PCSK7: variants seen among roughly 807,000 people sequenced by gnomAD.
The protein encoded by PCSK7 is lymphoma proprotein convertase.
Under a neutral mutation model 73.3 loss-of-function variants are expected in PCSK7, and 38 were observed. The observed-to-expected ratio is 0.52, with a 90% CI of 0.40 to 0.68. The LOEUF is 0.68. Among genes scored for constraint, PCSK7 ranks in the 30% least tolerant of loss-of-function variants. The pLI, the probability that PCSK7 is intolerant of heterozygous loss-of-function variation, is 0.00. For synonymous variants in PCSK7, 296 were observed against 383.8 expected (o/e 0.77, Z 2.68); for missense variants, 692 against 991.5 (o/e 0.70, Z 4.06).
chr11:117,230,227 G>C (rs2134336916), intron 2 of PCSK7, 122 bp downstream of exon 2: 1 of 195,860 alleles, frequency 5.1e-6, no homozygotes, highest in African/African-American at 2.3e-5. Context: ...CATCGTGACT[G>C]TTCTTTAGCA....
rs749826781 is a variant in PCSK7, at chr11:117,219,644, G to A, written c.1270C>T (p.Pro424Ser). ...GMIALMLQVRPCLTWRDVQHI... is the reference protein window; with the variant it reads ...GMIALMLQVRSCLTWRDVQHI... The stretch of plus-strand genomic sequence containing the variant: ...TGGACGTCACGCCACGTGAGGCAGG[G>A]CCGCACCTGCAGCATTAAGGCTATC... Residue 424 changes from proline to serine, a missense_variant, in exon 10 of 17, where the codon CCC becomes TCC. Pro to Ser is a moderately conservative substitution (Grantham distance 74, BLOSUM62 -1). Transcript: ENST00000320934. 8.7e-6 allele frequency: 14 copies of A among 1,612,592 alleles called. No homozygotes were observed. In the South Asian group the frequency reaches 1.4e-4, roughly 16 times the overall value.
In PCSK7 at chr11:117,217,993, AC is replaced by A. The variant is rs1206701702; in HGVS notation, c.1534+472del. Reference sequence around the variant, plus strand: ...ACTAAAGCCTAGGAGACTTCTACAAACCCTCTGTCCATCCCCAGCAGACCAC... The same window carrying A: ...ACTAAAGCCTAGGAGACTTCTACAAACCTCTGTCCATCCCCAGCAGACCAC... On this transcript the variant is annotated intron_variant, in intron 12 of 16. Transcript: ENST00000320934. 7.9e-5 allele frequency: 12 copies of A among 152,404 alleles called. 1 individual carries two copies. In the South Asian group the frequency reaches 2.1e-3, roughly 26 times the overall value. The allele number at this position is 152,404 out of a possible 1,614,324, so 9.4% of individuals were successfully genotyped here.
intron 12 of PCSK7, chr11:117,211,120 G>C (rs1010686355): frequency 3.3e-5 from 5 of 152,132 alleles, no homozygotes; most frequent in African/African-American, 1.2e-4. Flanking sequence ...AGGGGTGTTT[G>C]TTTGTTTGAG....
rs2031286673 is a variant in PCSK7, at chr11:117,205,005, G to C, written c.*992C>G. On this transcript the variant is annotated 3_prime_UTR_variant, in exon 17 of 17. Coordinates refer to ENST00000320934, the MANE Select transcript of PCSK7 (RefSeq NM_004716.4). ...GAATCTTGGGGACCGAAGGGAAAAA[G>C]GAGCCACTCAGCAGCATGCAGTGGC... The C allele has an allele frequency of 5.2e-6, 1 of 190,616 alleles. No homozygotes were observed. Among genetic ancestry groups the C allele is most frequent in the Non-Finnish European group, 1.1e-5 (1 of 91,196 alleles). The allele number at this position is 190,616 out of a possible 1,614,324, so 11.8% of individuals were successfully genotyped here. A position where few individuals can be genotyped will look rare whatever the true frequency, so the allele number is the denominator to read the frequency against.
At chr11:117,227,496 G>A (rs1191197253) in intron 4 of PCSK7, among the ~76,000 whole-genome samples, 174 bp from the exon 5 acceptor site, 2 of 152,198 alleles carry the variant, frequency 1.3e-5, no homozygotes, top group Non-Finnish European at 2.9e-5. Context: ...AGGCTGGAGT[G>A]CAGTGCCACA....
chr11:117,224,331 G>T, intron 7 of PCSK7, 115 bp from the exon 8 acceptor site: 1 of 1,047,632 alleles, frequency 9.5e-7, no homozygotes, highest in Non-Finnish European at 1.4e-6. Context: ...AGTTCAAAGG[G>T]CACTGGGCAT....
chr11:117,217,212 C>T (rs1208329596), intron 12 of PCSK7: 2 of 152,240 alleles, frequency 1.3e-5, no homozygotes, highest in Non-Finnish European at 2.9e-5. Context: ...GTGGCAACGT[C>T]CCCTGGTCAG....
intron 9 of PCSK7, 89 bp downstream of exon 9, chr11:117,223,119 A>C: frequency 3.7e-6 from 3 of 813,642 alleles, no homozygotes; most frequent in East Asian, 2.4e-5. Flanking sequence ...GGGGCGGGGA[A>C]GCAGGGAACA....
Position 117,205,723 on chromosome 11 carries a change from T to A in PCSK7, c.*274A>T. On this transcript the variant is annotated 3_prime_UTR_variant, in exon 17 of 17. Coordinates refer to ENST00000320934, the MANE Select transcript of PCSK7 (RefSeq NM_004716.4). The stretch of plus-strand genomic sequence containing the variant: ...GGCAGCTGGCTTGGCCCAAGAGAGA[T>A]GAGGATGGAGGCCAAACCAAAGGGG... The A allele has an allele frequency of 2.8e-6, 1 of 354,498 alleles. No individual in the cohort carries two copies. The highest frequency in any genetic ancestry group is 5.1e-6 in the Non-Finnish European group (1 of 197,116). 22.0% of individuals were successfully genotyped at this position (354,498 alleles called of 1,614,324 possible).
At chr11:117,208,850 A>G in intron 13 of PCSK7, 47 bp downstream of exon 13, 1 of 1,572,174 alleles carries the variant, frequency 6.4e-7, no homozygotes, top group Non-Finnish European at 8.6e-7. Context: ...TTCCCTGGAA[A>G]GGCCCTTGCT....
rs369606917 is a variant in PCSK7 at position 117,206,158 on chromosome 11, C to T, written c.2197G>A (p.Glu733Lys). 2.2e-5 allele frequency: 36 copies of T among 1,612,034 alleles called. 1 individual carries two copies. The highest frequency in any genetic ancestry group is 1.7e-4 in the Middle Eastern group (1 of 6,056). ...GGGCCCCTGCTCTCTGTTTCCACTT[C>T]GTCTGGATCCTTGCTGCTGCAAAGT... is the stretch of plus-strand genomic sequence containing the variant. ...VPLCSSKDPD[E>K]VETESRGPPT... The change falls in exon 17 of 17, where the codon GAA becomes AAA. Residue 733 changes from glutamate (E) to lysine (K), a missense_variant. By Grantham distance (56) the Glu-to-Lys change is moderately conservative (BLOSUM62 1). Around this residue, in one of 6 missense-constraint regions of PCSK7, gnomAD observed 78 missense variants for 102.6 expected, o/e 0.76. Coordinates refer to ENST00000320934, the MANE Select transcript of PCSK7 (RefSeq NM_004716.4).
At chr11:117,229,242 A>C in intron 3 of PCSK7, 135 bp downstream of exon 3, 1 of 745,444 alleles carries the variant, frequency 1.3e-6, no homozygotes, top group African/African-American at 1.7e-5. Flanking sequence ...GAGCCTAGGG[A>C]AACACCACAG....
At chr11:117,231,384 G>A (rs575700295) in intron 1 of PCSK7, among the ~76,000 whole-genome samples, 3 of 152,154 alleles carry the variant, frequency 2.0e-5, no homozygotes, top group Admixed American at 6.5e-5. Context: ...CCCTGCCCCC[G>A]GGAGCCTCAA....
chr11:117,230,886 C>T (rs993988483), intron 1 of PCSK7, among the ~76,000 whole-genome samples: 4 of 152,070 alleles, frequency 2.6e-5, no homozygotes, highest in Non-Finnish European at 4.4e-5. Context: ...ACAGAACAGG[C>T]ACCAAGGACA....
intron 12 of PCSK7, 151 bp from the exon 13 acceptor site, chr11:117,209,204 A>G: frequency 1.7e-6 from 1 of 572,944 alleles, no homozygotes; most frequent in Non-Finnish European, 3.0e-6. Context: ...AGTAAATGGA[A>G]TGGAGCTGCT....
chr11:117,208,605 C>T (rs1409418859), intron 13 of PCSK7: 1 of 309,328 alleles, frequency 3.2e-6, no homozygotes, highest in Non-Finnish European at 5.6e-6. Flanking sequence ...CTGCCTTGAC[C>T]TCCCAAAGTG....
In PCSK7 at chr11:117,204,373, A is replaced by AG; in HGVS notation, c.*1623dup. ...ATCATCAGTTAGAGCGGAGAGGGCTAGCCCTGAGCCCGGCCCTCCCCCAGC... is the reference window on the plus strand; with the variant it reads ...ATCATCAGTTAGAGCGGAGAGGGCTAGGCCCTGAGCCCGGCCCTCCCCCAGC... On this transcript the variant is annotated 3_prime_UTR_variant, in exon 17 of 17. Coordinates refer to ENST00000320934, the MANE Select transcript of PCSK7 (RefSeq NM_004716.4). 6.2e-7 allele frequency: 1 copy of AG among 1,614,204 alleles called. No homozygotes were observed. Among genetic ancestry groups the AG allele is most frequent in the African/African-American group, 1.3e-5 (1 of 75,066 alleles).
chr11:117,215,374 G>GTATATA lies in PCSK7; in HGVS notation c.1534+3091_1534+3092insTATATA, dbSNP rs1565307896. On this transcript the variant is annotated intron_variant, in intron 12 of 16. Transcript: ENST00000320934. ...CCATGCCTGGCTAATTTGTGTGTGTGTGTGTGTATATATATATATATATAT... is the reference window on the plus strand; with the variant it reads ...CCATGCCTGGCTAATTTGTGTGTGTGTATATATGTGTGTATATATATATATATATAT... The GTATATA allele has an allele frequency of 1.7e-4, 10 of 59,834 alleles. No individual in the cohort carries two copies. The South Asian group carries it at 6.9e-3, about 41-fold the overall frequency. The allele number at this position is 59,834 out of a possible 1,614,324, so 3.7% of individuals were successfully genotyped here. A position where few individuals can be genotyped will look rare whatever the true frequency, so the allele number is the denominator to read the frequency against.
At chr11:117,209,469 A>G (rs1253064714) in intron 12 of PCSK7, 4 of 196,196 alleles carry the variant, frequency 2.0e-5, no homozygotes, top group Middle Eastern at 2.1e-3. Context: ...GGGAAGAGAA[A>G]TAAGTCAGAT....
Sources: allele counts gnomAD v4.1 joint callset (sites outside exome capture counted in the v4.1 genomes callset), GRCh38; gene constraint gnomAD v4.1.1; regional missense constraint gnomAD v4.1.1; transcripts MANE v1.5; gene names NCBI Gene and HGNC (gene_info 2026-07-23, HGNC 2026-07-21).